FOXP1: variants seen among roughly 807,000 people sequenced by gnomAD.
FOXP1 encodes the protein forkhead box P1.
In FOXP1, 15 loss-of-function variants were observed where a neutral mutation model predicts 98.2. The ratio of observed to expected loss-of-function variants is 0.15; its 90% confidence interval spans 0.10 to 0.24. The LOEUF (loss-of-function observed/expected upper bound fraction) is 0.24, where lower values mean the gene tolerates loss of function less well. FOXP1 is among the 10% of genes least tolerant of loss of function. FOXP1 has a pLI of 1.00. For missense variants in FOXP1, 633 were observed against 848.5 expected, an observed-to-expected ratio of 0.75 and a Z score of 3.15; for synonymous variants, 371 against 314.5, an observed-to-expected ratio of 1.18 and a Z score of -1.90.
At position 70,957,237 on chromosome 3, in the gene FOXP1, A is replaced by ATCTC; in HGVS notation, c.*2006_*2009dup. ...TTTTTATCTGCAGTAGCCCCATAAAATCTCTTTAAGAGAATGAGTTTTGGT... is the reference window on the plus strand; with the variant it reads ...TTTTTATCTGCAGTAGCCCCATAAAATCTCTCTCTTTAAGAGAATGAGTTTTGGT... On this transcript the variant is annotated 3_prime_UTR_variant, in exon 21 of 21. Coordinates refer to ENST00000649528, the MANE Select transcript of FOXP1 (RefSeq NM_001349338.3). 8.9e-6 allele frequency: 2 copies of ATCTC among 225,300 alleles called. No individual in the cohort carries two copies. Among genetic ancestry groups the ATCTC allele is most frequent in the East Asian group, 1.3e-4 (2 of 15,372 alleles). The allele number at this position is 225,300 out of a possible 1,614,324, so 14.0% of individuals were successfully genotyped here.
chr3:71,346,026 G>A (rs1197197864), intron 4 of FOXP1, among the ~76,000 whole-genome samples: 9 of 152,116 alleles, frequency 5.9e-5, no homozygotes, highest in African/African-American at 2.2e-4. Flanking sequence ...CTCAGACTGA[G>A]AAGGCAAAGT....
At chr3:71,347,313 C>A (rs1003597839) in intron 4 of FOXP1, among the ~76,000 whole-genome samples, 3 of 152,144 alleles carry the variant, frequency 2.0e-5, no homozygotes, top group Admixed American at 2.0e-4. Context: ...CCAGCCATAC[C>A]TGCTCCAAAA....
intron 3 of FOXP1, among the ~76,000 whole-genome samples, chr3:71,473,837 C>T (rs2089578993): frequency 6.6e-6 from 1 of 152,092 alleles, no homozygotes; most frequent in African/African-American, 2.4e-5. Context: ...CTATGACACA[C>T]ACAAAAAGAA....
intron 6 of FOXP1, chr3:71,130,700 C>T: frequency 6.4e-7 from 1 of 1,553,006 alleles, no homozygotes; most frequent in South Asian, 1.1e-5. Flanking sequence ...TTGTAGGCAA[C>T]CTCAGGGAGG....
chr3:70,986,903 G>A (rs2039840033), intron 14 of FOXP1, among the ~76,000 whole-genome samples: 1 of 152,098 alleles, frequency 6.6e-6, no homozygotes, highest in Non-Finnish European at 1.5e-5. Flanking sequence ...TATTTGCTGG[G>A]TTAATAGTCT....
intron 6 of FOXP1, among the ~76,000 whole-genome samples, chr3:71,178,198 G>C (rs12486945): frequency 2.0e-5 from 3 of 148,572 alleles, no homozygotes; most frequent in African/African-American, 5.0e-5. Flanking sequence ...GCAGTGGCGC[G>C]ATCTCAGCTC....
intron 7 of FOXP1, among the ~76,000 whole-genome samples, chr3:71,070,101 G>A (rs765624252): frequency 2.0e-4 from 30 of 152,132 alleles, no homozygotes; most frequent in Non-Finnish European, 3.5e-4. Flanking sequence ...TTATTCAAAA[G>A]ACAACTTTTA....
chr3:71,011,118 T>C (rs866839114), intron 12 of FOXP1, among the ~76,000 whole-genome samples: 1 of 152,330 alleles, frequency 6.6e-6, no homozygotes, highest in Middle Eastern at 3.4e-3. Context: ...CTGAATTTGT[T>C]ACATATGACC....
intron 4 of FOXP1, among the ~76,000 whole-genome samples, chr3:71,309,255 GAATT>G (rs916497608): frequency 6.6e-6 from 1 of 151,894 alleles, no homozygotes; most frequent in Non-Finnish European, 1.5e-5. Context: ...TTCTTTCCCT[GAATT>G]AATATAAAAT....
chr3:71,002,455 A>G (rs1345146231), intron 12 of FOXP1, among the ~76,000 whole-genome samples: 1 of 152,194 alleles, frequency 6.6e-6, no homozygotes, highest in African/African-American at 2.4e-5. Context: ...TTAAAGAGTA[A>G]ATGAACAAAC....
At chr3:71,556,423 A>G (rs1195224269) in intron 2 of FOXP1, among the ~76,000 whole-genome samples, 1 of 151,898 alleles carries the variant, frequency 6.6e-6, no homozygotes, top group African/African-American at 2.4e-5. Flanking sequence ...TAAAAACACA[A>G]AAAATTAGCC....
intron 5 of FOXP1, among the ~76,000 whole-genome samples, chr3:71,212,557 G>A (rs1188638939): frequency 6.6e-6 from 1 of 152,160 alleles, no homozygotes; most frequent in Non-Finnish European, 1.5e-5. Context: ...ATCCAGGCCT[G>A]CCTTTTCTCA....
intron 3 of FOXP1, among the ~76,000 whole-genome samples, chr3:71,450,411 G>A (rs886824208): frequency 1.1e-4 from 16 of 152,156 alleles, no homozygotes; most frequent in Admixed American, 1.0e-3. Context: ...CAAGCTCGTT[G>A]CCAGTGAATG....
At chr3:70,969,039 A>C (rs909775360) in intron 19 of FOXP1, 2 of 152,224 alleles carry the variant, frequency 1.3e-5, no homozygotes, top group Admixed American at 6.5e-5. Flanking sequence ...TCAGAGATGA[A>C]ACCTGAACAG....
intron 5 of FOXP1, among the ~76,000 whole-genome samples, chr3:71,244,467 T>C (rs1276856904): frequency 7.5e-6 from 1 of 133,554 alleles, no homozygotes; most frequent in Non-Finnish European, 1.5e-5. Flanking sequence ...CTCAAGACCA[T>C]GAGGATTTGG....
At chr3:71,428,537 C>A (rs1298099979) in intron 3 of FOXP1, among the ~76,000 whole-genome samples, 1 of 152,252 alleles carries the variant, frequency 6.6e-6, no homozygotes, top group Non-Finnish European at 1.5e-5. Flanking sequence ...GAATGGGCTA[C>A]TGTATCTTAA....
Position 70,955,956 on chromosome 3 carries a change from C to T in FOXP1, c.*3291G>A, listed in dbSNP as rs1451213297. On this transcript the variant is annotated 3_prime_UTR_variant, in exon 21 of 21. Coordinates refer to ENST00000649528, the MANE Select transcript of FOXP1 (RefSeq NM_001349338.3). Reference sequence around the variant, plus strand: ...AAAAAAAAAGTTAGGGAGTTTCTCCCTCCCACATGTCAGGAAATGTCATCC... The same window carrying T: ...AAAAAAAAAGTTAGGGAGTTTCTCCTTCCCACATGTCAGGAAATGTCATCC... The T allele has an allele frequency of 4.3e-6, 1 of 233,076 alleles. No homozygotes were observed. The highest frequency in any genetic ancestry group is 2.2e-5 in the African/African-American group (1 of 45,286). 14.4% of individuals were successfully genotyped at this position (233,076 alleles called of 1,614,324 possible).
chr3:71,109,551 A>T (rs978867001), intron 7 of FOXP1, among the ~76,000 whole-genome samples: 1 of 152,124 alleles, frequency 6.6e-6, no homozygotes, highest in Non-Finnish European at 1.5e-5. Context: ...GGGTGAGAAG[A>T]TCAGAGATGA....
chr3:71,383,670 A>C (rs2080349891), intron 3 of FOXP1, among the ~76,000 whole-genome samples: 1 of 152,166 alleles, frequency 6.6e-6, no homozygotes, highest in African/African-American at 2.4e-5. Flanking sequence ...TACTTAACTA[A>C]AAAGATCATT....
Sources: gnomAD v4.1 joint callset for allele counts (sites outside exome capture counted in the v4.1 genomes callset) on GRCh38, gnomAD v4.1.1 for gene constraint, MANE v1.5 for transcripts, NCBI Gene and HGNC (gene_info 2026-07-23, HGNC 2026-07-21) for gene names.